Variants in EYS observed in about 807,000 individuals in gnomAD.
EYS encodes the protein protein eyes shut homolog.
In EYS, 250 loss-of-function variants were observed where a neutral mutation model predicts 282.1. The observed-to-expected ratio is 0.89, with a 90% CI of 0.80 to 0.98. EYS has a LOEUF of 0.98. Among genes scored for constraint, EYS ranks in the 50% least tolerant of loss-of-function variants. The probability of loss-of-function intolerance (pLI) is 0.00; values close to 1 mark genes in which losing one functional copy is unlikely to be tolerated. For missense variants in EYS, 4,016 were observed against 3,709.0 expected, an observed-to-expected ratio of 1.08 and a Z score of -2.15; for synonymous variants, 1,355 against 1,282.9, an observed-to-expected ratio of 1.06 and a Z score of -1.20.
At chr6:64,454,034 G>T (rs567916124) in intron 26 of EYS, among the ~76,000 whole-genome samples, 78 of 152,008 alleles carry the variant, frequency 5.1e-4, no homozygotes, top group African/African-American at 9.4e-4. Context: ...TTTGTTACCA[G>T]TTGGCTATGA....
intron 19 of EYS, among the ~76,000 whole-genome samples, 188 bp from the exon 20 acceptor site, chr6:64,823,010 A>G (rs957203579): frequency 3.3e-5 from 5 of 152,130 alleles, no homozygotes; most frequent in African/African-American, 1.2e-4. Context: ...TCAGATTACT[A>G]ATTTAATGTG....
chr6:63,783,862 T>C (rs1770297233), intron 39 of EYS, among the ~76,000 whole-genome samples: 1 of 152,012 alleles, frequency 6.6e-6, no homozygotes, highest in South Asian at 2.1e-4. Context: ...GGTGCCCAGA[T>C]ACTTGGTCAA....
chr6:65,264,661 T>C (rs1767704649), intron 12 of EYS, among the ~76,000 whole-genome samples: 1 of 152,002 alleles, frequency 6.6e-6, no homozygotes, highest in Admixed American at 6.6e-5. Context: ...TGGTTTCCTT[T>C]AGGTTACTGG....
intron 30 of EYS, among the ~76,000 whole-genome samples, chr6:64,299,433 T>G (rs1769152262): frequency 1.3e-5 from 2 of 152,228 alleles, no homozygotes; most frequent in South Asian, 4.1e-4. Flanking sequence ...ATTCATCCAT[T>G]GTGCAGCCTA....
At chr6:64,087,491 AG>A (rs1772195768) in intron 31 of EYS, among the ~76,000 whole-genome samples, 1 of 152,106 alleles carries the variant, frequency 6.6e-6, no homozygotes, top group African/African-American at 2.4e-5. Context: ...CTAGATAAAA[AG>A]GAAAGTCCAT....
chr6:64,325,734 G>A (rs1770391179), intron 29 of EYS, among the ~76,000 whole-genome samples: 2 of 152,024 alleles, frequency 1.3e-5, no homozygotes, highest in African/African-American at 2.4e-5. Context: ...AAACCTTCAG[G>A]AAACACTGGA....
chr6:64,008,590 T>C (rs1768459609), intron 33 of EYS, among the ~76,000 whole-genome samples: 1 of 151,554 alleles, frequency 6.6e-6, no homozygotes, highest in Non-Finnish European at 1.5e-5. Flanking sequence ...TGTGTTTTTG[T>C]AGTGGCTAGT....
intron 2 of EYS, among the ~76,000 whole-genome samples, chr6:65,520,848 A>T (rs1413366609): frequency 6.6e-6 from 1 of 152,000 alleles, no homozygotes; most frequent in African/African-American, 2.4e-5. Flanking sequence ...ACAGAGTGAG[A>T]ATTTCATTGG....
At chr6:65,166,153 A>G (rs1490250876) in intron 12 of EYS, among the ~76,000 whole-genome samples, 3 of 151,198 alleles carry the variant, frequency 2.0e-5, no homozygotes, top group Admixed American at 1.3e-4. Context: ...TAAGGTGGCA[A>G]AAATTCCCAA....
chr6:64,808,891 C>A (rs1583179949), intron 22 of EYS, among the ~76,000 whole-genome samples: 2 of 151,954 alleles, frequency 1.3e-5, no homozygotes, highest in South Asian at 2.1e-4. Flanking sequence ...ATGACTCTGA[C>A]CTGGAGAGGT....
intron 12 of EYS, among the ~76,000 whole-genome samples, chr6:65,148,393 TA>T (rs999092708): frequency 1.3e-5 from 2 of 152,064 alleles, no homozygotes; most frequent in Non-Finnish European, 2.9e-5. Flanking sequence ...GAACAGACAT[TA>T]AACCTTAAAG....
At position 65,245,594 on chromosome 6, in the gene EYS, C is replaced by T. The variant is rs548033156; in HGVS notation, c.2023+50269G>A. Among the ~76,000 whole-genome samples, 8 of 151,808 alleles carry T rather than the reference C, an allele frequency of 5.3e-5. No individual in the cohort carries two copies. The East Asian group carries it at 1.4e-3, about 26-fold the overall frequency. Reference sequence around the variant, plus strand: ...TTCTTTCTCAGTTCTTGTGCGTTTCCCTGAACTAGGTTTTCAGGATAACAA... The same window carrying T: ...TTCTTTCTCAGTTCTTGTGCGTTTCTCTGAACTAGGTTTTCAGGATAACAA... On this transcript the variant is annotated intron_variant, in intron 12 of 42. Transcript: ENST00000503581.
In EYS at chr6:64,886,863, G is replaced by A. The variant is rs928242482; in HGVS notation, c.2847-21C>T. On this transcript the variant is annotated intron_variant, in intron 18 of 42. Coordinates refer to ENST00000503581, the MANE Select transcript of EYS (RefSeq NM_001142800.2). ...AAAATCTGGAGAAAAGTGGAGAAAT[G>A]AGGAATAGCCATGTAACAATGATAA... 58 of 1,428,568 alleles carry A rather than the reference G, an allele frequency of 4.1e-5. No individual in the cohort carries two copies. In the African/African-American group the frequency reaches 7.3e-4, roughly 18 times the overall value. 88.5% of individuals were successfully genotyped at this position (1,428,568 alleles called of 1,614,324 possible).
At chr6:64,158,242 C>T (rs1774993524) in intron 31 of EYS, among the ~76,000 whole-genome samples, 1 of 152,174 alleles carries the variant, frequency 6.6e-6, no homozygotes, top group Admixed American at 6.5e-5. Context: ...ATTTTTGTCT[C>T]TTATTCACTG....
At chr6:64,282,699 A>G (rs1447063557) in intron 30 of EYS, among the ~76,000 whole-genome samples, 1 of 152,158 alleles carries the variant, frequency 6.6e-6, no homozygotes, top group Non-Finnish European at 1.5e-5. Flanking sequence ...TTGGTAAACC[A>G]TAATAACTGG....
At chr6:65,395,607 C>G (rs1018415512) in intron 7 of EYS, among the ~76,000 whole-genome samples, 2 of 152,076 alleles carry the variant, frequency 1.3e-5, no homozygotes, top group African/African-American at 2.4e-5. Flanking sequence ...ATAGTCATTA[C>G]CTTGAACATT....
chr6:65,014,164 A>T (rs1193771363), intron 13 of EYS, among the ~76,000 whole-genome samples: 1 of 152,198 alleles, frequency 6.6e-6, no homozygotes, highest in Non-Finnish European at 1.5e-5. Context: ...GACAGCCAGT[A>T]AGAAAGAAAG....
At chr6:65,216,075 A>G (rs911844159) in intron 12 of EYS, among the ~76,000 whole-genome samples, 26 of 152,180 alleles carry the variant, frequency 1.7e-4, no homozygotes, top group Admixed American at 2.6e-4. Context: ...TGGTACACAA[A>G]GATGTACTTA....
intron 19 of EYS, among the ~76,000 whole-genome samples, chr6:64,851,019 TG>T (rs1469889580): frequency 1.3e-5 from 2 of 152,124 alleles, no homozygotes; most frequent in African/African-American, 4.8e-5. Flanking sequence ...TTTAAACTTG[TG>T]TACATTGTGG....
Sources: allele counts gnomAD v4.1 joint callset (sites outside exome capture counted in the v4.1 genomes callset), GRCh38; gene constraint gnomAD v4.1.1; transcripts MANE v1.5; gene names NCBI Gene and HGNC (gene_info 2026-07-23, HGNC 2026-07-21).